SLC8A1: variants seen among roughly 807,000 people sequenced by gnomAD.
The protein encoded by SLC8A1 is solute carrier family 8 member A1.
Under a neutral mutation model 68.3 loss-of-function variants are expected in SLC8A1, and 18 were observed. The observed-to-expected ratio is 0.26, with a 90% CI of 0.18 to 0.39. The LOEUF is 0.39. Ranked by LOEUF, SLC8A1 falls within the 10% of genes least tolerant of loss-of-function variation. The probability of loss-of-function intolerance (pLI) is 1.00; values close to 1 mark genes in which losing one functional copy is unlikely to be tolerated. For synonymous variants in SLC8A1, 475 were observed against 415.5 expected (o/e 1.14, Z -1.74); for missense variants, 985 against 1,156.7 (o/e 0.85, Z 2.15).
At chr2:40,358,935 T>A (rs1414198177) in intron 2 of SLC8A1, among the ~76,000 whole-genome samples, 1 of 152,108 alleles carries the variant, frequency 6.6e-6, no homozygotes, top group Non-Finnish European at 1.5e-5. Context: ...AGGAGACGCT[T>A]TGTACCTGAG....
chr2:40,102,137 T>C (rs2033929844), exon 8 of SLC8A1: 2 of 152,272 alleles, frequency 1.3e-5, no homozygotes, highest in Middle Eastern at 3.4e-3. Context: ...GTTTAATCAG[T>C]ATATACAGCA....
chr2:40,203,762 G>A (rs541962783), intron 2 of SLC8A1, among the ~76,000 whole-genome samples: 1 of 152,072 alleles, frequency 6.6e-6, no homozygotes, highest in Non-Finnish European at 1.5e-5. Context: ...CTAGAGTGCA[G>A]TGACATGACC....
chr2:40,440,995 G>C (rs1700363454), intron 1 of SLC8A1, among the ~76,000 whole-genome samples: 1 of 152,154 alleles, frequency 6.6e-6, no homozygotes, highest in Non-Finnish European at 1.5e-5. Context: ...GATTGTCTCT[G>C]TTTGCAGATG....
intron 7 of SLC8A1, among the ~76,000 whole-genome samples, chr2:40,121,909 C>A (rs537041982): frequency 6.6e-6 from 1 of 152,066 alleles, no homozygotes; most frequent in Non-Finnish European, 1.5e-5. Context: ...TTCATACAAC[C>A]AAAGTCATTA....
intron 2 of SLC8A1, among the ~76,000 whole-genome samples, chr2:40,424,560 ACT>A (rs1171573814): frequency 6.6e-6 from 1 of 151,878 alleles, no homozygotes; most frequent in African/African-American, 2.4e-5. Flanking sequence ...TCTTACACAT[ACT>A]ATTTCCTAAA....
At chr2:40,500,864 C>T (rs1445865491) in intron 1 of SLC8A1, among the ~76,000 whole-genome samples, 2 of 138,676 alleles carry the variant, frequency 1.4e-5, no homozygotes, top group African/African-American at 5.5e-5. Flanking sequence ...CTACTGCAGC[C>T]AGGAAGAACT....
chr2:40,485,241 T>A (rs1704886475), intron 1 of SLC8A1, among the ~76,000 whole-genome samples: 1 of 152,126 alleles, frequency 6.6e-6, no homozygotes, highest in African/African-American at 2.4e-5. Flanking sequence ...TTAATGTGAT[T>A]ATTATATGGA....
intron 2 of SLC8A1, among the ~76,000 whole-genome samples, chr2:40,187,729 A>G (rs2050961127): frequency 6.6e-6 from 1 of 152,140 alleles, no homozygotes; most frequent in South Asian, 2.1e-4. Context: ...CTGGTTGACT[A>G]CTCGAAAGAG....
exon 8 of SLC8A1, chr2:40,106,597 A>C (rs1272105189): frequency 6.6e-6 from 1 of 152,220 alleles, no homozygotes; most frequent in African/African-American, 2.4e-5. Context: ...TGGAGTGTCA[A>C]ATTTCTCACA....
At chr2:40,146,173 A>C (rs948073317) in intron 6 of SLC8A1, among the ~76,000 whole-genome samples, 1 of 152,214 alleles carries the variant, frequency 6.6e-6, no homozygotes, top group Admixed American at 6.5e-5. Flanking sequence ...CACAGAAGAA[A>C]ATGTAGGCAT....
chr2:40,239,375 T>A (rs2060894538), intron 2 of SLC8A1, among the ~76,000 whole-genome samples: 1 of 152,182 alleles, frequency 6.6e-6, no homozygotes, highest in African/African-American at 2.4e-5. Flanking sequence ...TCTGTCATCT[T>A]TGGGCTTTCT....
intron 2 of SLC8A1, among the ~76,000 whole-genome samples, chr2:40,192,238 C>G (rs1258907506): frequency 6.6e-6 from 1 of 151,930 alleles, no homozygotes; most frequent in Non-Finnish European, 1.5e-5. Flanking sequence ...GCTTCCTCAG[C>G]TGTAATTCAA....
intron 2 of SLC8A1, among the ~76,000 whole-genome samples, chr2:40,235,363 C>T (rs1405382618): frequency 3.3e-5 from 5 of 151,866 alleles, no homozygotes; most frequent in South Asian, 4.2e-4. Flanking sequence ...TCCATTTCTT[C>T]TAGATTTTCT....
Position 40,462,754 on chromosome 2 carries a change from G to A in SLC8A1, c.-24-32450C>T, listed in dbSNP as rs72953149. On this transcript the variant is annotated intron_variant, in intron 1 of 7. Transcript: ENST00000402441. ...GCCCAGGAGTTTGAAGCTGCAGTGA[G>A]CCCAGATTACGCCACTGCCCTTAGC... Among the ~76,000 whole-genome samples the A allele has an allele frequency of 7.2e-3, 1,093 of 152,142 alleles. 16 individuals are homozygous for A. The highest frequency in any genetic ancestry group is 0.025 in the African/African-American group (1,031 of 41,472).
chr2:40,234,985 T>C (rs2060173906), intron 2 of SLC8A1, among the ~76,000 whole-genome samples: 1 of 152,348 alleles, frequency 6.6e-6, no homozygotes, highest in East Asian at 1.9e-4. Flanking sequence ...TTTGATGTGC[T>C]GCTGGATTCG....
chr2:40,459,531 C>G (rs1703221259), intron 1 of SLC8A1, among the ~76,000 whole-genome samples: 1 of 152,124 alleles, frequency 6.6e-6, no homozygotes, highest in African/African-American at 2.4e-5. Context: ...TTAAATACAT[C>G]CAAGAGTTGT....
At position 40,444,508 on chromosome 2, in the gene SLC8A1, CT is replaced by C. The variant is rs59173807; in HGVS notation, c.-25+7395del. On this transcript the variant is annotated intron_variant, in intron 1 of 7. Coordinates refer to ENST00000406785, the Ensembl canonical transcript of SLC8A1. Reference sequence around the variant, plus strand: ...AATTTCTAGGCCATTTCTCTTCACACTACACCAACACCAATTGCTAGGATTC... The same window carrying C: ...AATTTCTAGGCCATTTCTCTTCACACACACCAACACCAATTGCTAGGATTC... Among the ~76,000 whole-genome samples the C allele has an allele frequency of 2.9e-3, 449 of 152,304 alleles. 2 individuals are homozygous for C. The highest frequency in any genetic ancestry group is 0.01 in the African/African-American group (427 of 41,578).
At chr2:40,157,305 A>C (rs1033008946) in intron 6 of SLC8A1, among the ~76,000 whole-genome samples, 11 of 152,074 alleles carry the variant, frequency 7.2e-5, no homozygotes, top group Admixed American at 2.0e-4. Context: ...TCTACTTTAC[A>C]TATGAGCAAA....
chr2:40,168,994 G>GA (rs1164195981), intron 4 of SLC8A1, among the ~76,000 whole-genome samples: 1 of 152,160 alleles, frequency 6.6e-6, no homozygotes, highest in South Asian at 2.1e-4. Flanking sequence ...ACCAGTGGGG[G>GA]ATCTCCCTTC....
Sources: allele counts gnomAD v4.1 joint callset (sites outside exome capture counted in the v4.1 genomes callset), GRCh38; gene constraint gnomAD v4.1.1; transcripts MANE v1.5; gene names NCBI Gene and HGNC (gene_info 2026-07-23, HGNC 2026-07-21).